Variants in ZNF691 observed in about 807,000 individuals in gnomAD.
ZNF691 encodes zinc finger protein 691.
In ZNF691, 11 loss-of-function variants were observed where a neutral mutation model predicts 24.1. The ratio of observed to expected loss-of-function variants is 0.46; its 90% CI spans 0.29 to 0.75. ZNF691 has a LOEUF of 0.75. ZNF691 is among the 30% of genes least tolerant of loss of function. The pLI, the probability that ZNF691 is intolerant of heterozygous loss-of-function variation, is 0.11. For missense variants in ZNF691, 356 were observed against 409.0 expected, an observed-to-expected ratio of 0.87 and a Z score of 1.12; for synonymous variants, 149 against 153.9, an observed-to-expected ratio of 0.97 and a Z score of 0.23.
chr1:42,848,807 G>C (rs1396704897), intron 1 of ZNF691, among the ~76,000 whole-genome samples: 2 of 152,208 alleles, frequency 1.3e-5, no homozygotes, highest in Non-Finnish European at 2.9e-5. Context: ...GGGAGTGTGG[G>C]AGTGATTTTA....
chr1:42,849,462 G>A (rs995315621), intron 2 of ZNF691, 49 bp downstream of exon 2: 1 of 681,626 alleles, frequency 1.5e-6, no homozygotes, highest in African/African-American at 1.8e-5. Flanking sequence ...CAGAGTGGTT[G>A]AATAATTTGC....
Position 42,851,958 on chromosome 1 carries a change from G to C in ZNF691, c.*145G>C. 2.3e-6 allele frequency: 3 copies of C among 1,289,684 alleles called. No homozygotes were observed. Among genetic ancestry groups the C allele is most frequent in the Non-Finnish European group, 2.2e-6 (2 of 908,794 alleles). The allele number at this position is 1,289,684 out of a possible 1,614,324, so 79.9% of individuals were successfully genotyped here. Reference sequence around the variant, plus strand: ...GGTTTTGTATAGCCTCTGAAGTCAGGATCTCAGGAAGTCCTGAGGAGGGAC... The same window carrying C: ...GGTTTTGTATAGCCTCTGAAGTCAGCATCTCAGGAAGTCCTGAGGAGGGAC... On this transcript the variant is annotated 3_prime_UTR_variant, in exon 4 of 4. Coordinates refer to ENST00000651192, the MANE Select transcript of ZNF691 (RefSeq NM_001242739.2). The surrounding 1 kb of genome is among the most constrained non-coding windows in gnomAD (Gnocchi z 4.7).
intron 3 of ZNF691, 141 bp from the exon 4 acceptor site, chr1:42,850,809 C>A (rs1655364676): frequency 1.3e-6 from 2 of 1,548,552 alleles, no homozygotes; most frequent in Admixed American, 3.9e-5. Flanking sequence ...GTATTCTATC[C>A]AAGTATTCCA....
chr1:42,849,548 GT>G lies in ZNF691; in HGVS notation c.-94-16del. On this transcript the variant is annotated splice_polypyrimidine_tract_variant and intron_variant, in intron 2 of 3. Transcript: ENST00000651192. ...TAGTCAGTACCCCTTTCTTTATTCT[GT>G]GTTTCTTTTTTCCAGAAATACTTGC... is the stretch of plus-strand genomic sequence containing the variant. The G allele has an allele frequency of 1.2e-6, 1 of 862,148 alleles. No homozygotes were observed. The allele number at this position is 862,148 out of a possible 1,614,324, so 53.4% of individuals were successfully genotyped here. A position where few individuals can be genotyped will look rare whatever the true frequency, so the allele number is the denominator to read the frequency against.
intron 3 of ZNF691, chr1:42,850,647 G>A: frequency 1.3e-6 from 2 of 1,549,444 alleles, no homozygotes; most frequent in Admixed American, 2.0e-5. Flanking sequence ...AGTCTGGATT[G>A]TCATTGCTTA....
Position 42,851,256 on chromosome 1 carries a change from A to G in ZNF691, c.391A>G (p.Arg131Gly). ...AACCTTCAATAATACCTCCAACCTG[A>G]GAACACACCAGCGGATCCACACTGG... ...GKTFNNTSNL[R>G]THQRIHTGEK... is the part of the protein sequence containing the mutation. The change falls in exon 4 of 4, where the codon AGA becomes GGA. Residue 131 changes from arginine to glycine, a missense_variant. By Grantham distance (125) the Arg-to-Gly change is moderately radical. Transcript: ENST00000651192. The surrounding 1 kb of genome is among the most constrained non-coding windows in gnomAD (Gnocchi z 4.7). 1 of 1,614,198 alleles carries G rather than the reference A, an allele frequency of 6.2e-7. No homozygotes were observed. Among genetic ancestry groups the G allele is most frequent in the Non-Finnish European group, 8.5e-7 (1 of 1,180,036 alleles).
In ZNF691 at chr1:42,851,277, A is replaced by G. The variant is rs754940092; in HGVS notation, c.412A>G (p.Thr138Ala). The G allele has an allele frequency of 1.9e-5, 31 of 1,614,022 alleles. No homozygotes were observed. The Admixed American group carries it at 5.2e-4, about 27-fold the overall frequency. Residue 138 changes from threonine to alanine, a missense_variant, in exon 4 of 4, where the codon ACT (threonine) becomes GCT (alanine). Physicochemically the swap from Thr to Ala is moderately conservative, Grantham distance 58 (BLOSUM62 0). Coordinates refer to ENST00000651192, the MANE Select transcript of ZNF691 (RefSeq NM_001242739.2). This position sits in a 1 kb window ranked among gnomAD's most constrained non-coding sequence, Gnocchi z 4.7. Reference sequence around the variant, plus strand: ...CCTGAGAACACACCAGCGGATCCACACTGGTGAGAAGCCTTACAAGTGTTC... The same window carrying G: ...CCTGAGAACACACCAGCGGATCCACGCTGGTGAGAAGCCTTACAAGTGTTC... ...SNLRTHQRIH[T>A]GEKPYKCSEC...
Position 42,851,710 on chromosome 1 carries a change from C to T in ZNF691, c.845C>T (p.Pro282Leu), listed in dbSNP as rs1416790025. The T allele has an allele frequency of 1.2e-6, 2 of 1,614,138 alleles. No individual in the cohort carries two copies. The highest frequency in any genetic ancestry group is 1.7e-6 in the Non-Finnish European group (2 of 1,180,048). The change falls in exon 4 of 4, where the codon CCC becomes CTC. Residue 282 changes from proline to leucine, a missense_variant. Physicochemically the swap from Pro to Leu is moderately conservative, Grantham distance 98. Transcript: ENST00000651192. This position sits in a 1 kb window ranked among gnomAD's most constrained non-coding sequence, Gnocchi z 4.7. ...CAGCGGACCCACAGAGGGGAGAAGCCCTACCGGTGCACTGTGTGTGGGAAA... is the reference window on the plus strand; with the variant it reads ...CAGCGGACCCACAGAGGGGAGAAGCTCTACCGGTGCACTGTGTGTGGGAAA... Reference protein sequence around the residue: ...AHQRTHRGEKPYRCTVCGKHF... With the variant: ...AHQRTHRGEKLYRCTVCGKHF...
chr1:42,848,249 A>G (rs534134610), intron 1 of ZNF691, among the ~76,000 whole-genome samples: 1 of 152,276 alleles, frequency 6.6e-6, no homozygotes, highest in South Asian at 2.1e-4. Context: ...CTGTAGCTGT[A>G]GGTCAGATGG....
At chr1:42,848,457 A>G (rs1024944262) in intron 1 of ZNF691, among the ~76,000 whole-genome samples, 10 of 152,204 alleles carry the variant, frequency 6.6e-5, no homozygotes, top group Non-Finnish European at 1.5e-5. Flanking sequence ...GCAAACCACT[A>G]TAAGCCAAGC....
At chr1:42,849,018 A>G (rs1655309621) in intron 1 of ZNF691, among the ~76,000 whole-genome samples, 1 of 152,216 alleles carries the variant, frequency 6.6e-6, no homozygotes, top group African/African-American at 2.4e-5. Context: ...ACAGCCACAC[A>G]TTCCTTTATG....
intron 1 of ZNF691, among the ~76,000 whole-genome samples, chr1:42,847,029 C>T (rs928391286): frequency 2.0e-5 from 3 of 152,144 alleles, no homozygotes; most frequent in Non-Finnish European, 4.4e-5. Flanking sequence ...GGCTTCTCCC[C>T]GCCCCGCAAC....
intron 3 of ZNF691, 146 bp downstream of exon 3, chr1:42,849,888 G>A: frequency 1.4e-6 from 1 of 707,612 alleles, no homozygotes. Flanking sequence ...GGGGTGTGGG[G>A]AGTGTGGTTT....
chr1:42,850,912 A>G, intron 3 of ZNF691, 38 bp from the exon 4 acceptor site: 3 of 1,540,498 alleles, frequency 1.9e-6, no homozygotes, highest in Non-Finnish European at 2.6e-6. Flanking sequence ...GGCCCAACCC[A>G]AAGAATAAAG....
intron 3 of ZNF691, chr1:42,850,653 G>C (rs1655359931): frequency 6.5e-7 from 1 of 1,550,234 alleles, no homozygotes; most frequent in East Asian, 2.4e-5. Context: ...GATTGTCATT[G>C]CTTAGTGGTT....
Position 42,851,232 on chromosome 1 carries a change from A to G in ZNF691, c.367A>G (p.Thr123Ala), listed in dbSNP as rs767794353. The G allele has an allele frequency of 8.7e-6, 14 of 1,614,086 alleles. No homozygotes were observed. Among genetic ancestry groups the G allele is most frequent in the African/African-American group, 1.3e-5 (1 of 74,922 alleles). The part of the protein sequence containing the change: ...KPFICAQCGK[T>A]FNNTSNLRTH... ...CTTTATATGTGCCCAGTGTGGCAAA[A>G]CCTTCAATAATACCTCCAACCTGAG... is the stretch of plus-strand genomic sequence containing the variant. The change falls in exon 4 of 4, where the codon ACC becomes GCC. Residue 123 changes from threonine to alanine, a missense_variant. Physicochemically the swap from Thr to Ala is moderately conservative, Grantham distance 58 (BLOSUM62 0). Transcript: ENST00000651192. The surrounding 1 kb of genome is among the most constrained non-coding windows in gnomAD (Gnocchi z 4.7).
Position 42,851,410 on chromosome 1 carries a change from G to A in ZNF691, c.545G>A (p.Arg182Gln), listed in dbSNP as rs202201345. ...CCCAAGTGCCAGGAGAGCTTTCGGC[G>A]GCGCTCAGACCTCACCACGCACCAG... ...KCPKCQESFR[R>Q]RSDLTTHQQD... is the part of the protein sequence containing the mutation. Residue 182 changes from arginine (R) to glutamine (Q), a missense_variant, in exon 4 of 4, where the codon CGG (arginine) becomes CAG (glutamine). Transcript: ENST00000651192. The surrounding 1 kb of genome is among the most constrained non-coding windows in gnomAD (Gnocchi z 4.7). The A allele has an allele frequency of 2.2e-5, 36 of 1,614,100 alleles. No individual in the cohort carries two copies. The highest frequency in any genetic ancestry group is 1.6e-4 in the Middle Eastern group (1 of 6,062).
rs1020109121 is a variant in ZNF691 at position 42,852,045 on chromosome 1, C to T, written c.*232C>T. ...TTCTCGTGTTGGAAAGTCAGAAGAC[C>T]CAGTCTTGGCTTTACTTTCTTGGGG... is the stretch of plus-strand genomic sequence containing the variant. On this transcript the variant is annotated 3_prime_UTR_variant, in exon 4 of 4. Transcript: ENST00000651192. 1.1e-5 allele frequency: 8 copies of T among 699,614 alleles called. No individual in the cohort carries two copies. Among genetic ancestry groups the T allele is most frequent in the Non-Finnish European group, 1.8e-5 (7 of 385,220 alleles). The allele number at this position is 699,614 out of a possible 1,614,324, so 43.3% of individuals were successfully genotyped here.
In ZNF691 at chr1:42,851,964, A is replaced by C; in HGVS notation, c.*151A>C. ...GTATAGCCTCTGAAGTCAGGATCTC[A>C]GGAAGTCCTGAGGAGGGACTCTGGA... is the stretch of plus-strand genomic sequence containing the variant. On this transcript the variant is annotated 3_prime_UTR_variant, in exon 4 of 4. Coordinates refer to ENST00000651192, the MANE Select transcript of ZNF691 (RefSeq NM_001242739.2). The surrounding 1 kb of genome is among the most constrained non-coding windows in gnomAD (Gnocchi z 4.7). 6 of 1,235,034 alleles carry C rather than the reference A, an allele frequency of 4.9e-6. No homozygotes were observed. Among genetic ancestry groups the C allele is most frequent in the Non-Finnish European group, 5.8e-6 (5 of 858,896 alleles). 76.5% of individuals were successfully genotyped at this position (1,235,034 alleles called of 1,614,324 possible).
Sources: gnomAD v4.1 joint callset for allele counts (sites outside exome capture counted in the v4.1 genomes callset) on GRCh38, gnomAD v4.1.1 for gene constraint, Gnocchi (gnomAD v3.1) non-coding constraint, MANE v1.5 for transcripts, NCBI Gene and HGNC (gene_info 2026-07-23, HGNC 2026-07-21) for gene names.